Variants in UBE2D2 observed in about 807,000 individuals in gnomAD.
The protein encoded by UBE2D2 is ubiquitin-conjugating enzyme E2 D2.
A neutral mutation model predicts 24.2 loss-of-function variants in UBE2D2; 2 were observed. The observed-to-expected ratio is 0.08, with a 90% CI of 0.03 to 0.26. The LOEUF (loss-of-function observed/expected upper bound fraction) is 0.26, where lower values mean the gene tolerates loss of function less well. UBE2D2 is among the 10% of genes least tolerant of loss of function. The pLI, the probability that UBE2D2 is intolerant of heterozygous loss-of-function variation, is 1.00. For synonymous variants in UBE2D2, 58 were observed against 56.5 expected (o/e 1.03, Z -0.12); for missense variants, 44 against 177.6 (o/e 0.25, Z 4.28).
chr5:139,536,917 C>T (rs1752688270), intron 1 of UBE2D2, among the ~76,000 whole-genome samples: 3 of 152,128 alleles, frequency 2.0e-5, no homozygotes, highest in Admixed American at 6.5e-5. Context: ...AGGTGACTCA[C>T]GCCTGTAATC....
intron 1 of UBE2D2, among the ~76,000 whole-genome samples, chr5:139,540,468 C>T (rs1372403679): frequency 1.4e-5 from 2 of 147,678 alleles, no homozygotes; most frequent in Non-Finnish European, 3.0e-5. Context: ...ATGGCGTGAA[C>T]CCGGGAGGTG....
At chr5:139,555,721 G>A (rs991541464) in intron 1 of UBE2D2, among the ~76,000 whole-genome samples, 5 of 151,284 alleles carry the variant, frequency 3.3e-5, no homozygotes, top group South Asian at 4.2e-4. Context: ...GAGGTCAAGA[G>A]ATAGAGATCA....
chr5:139,530,779 C>T (rs1752589163), intron 1 of UBE2D2, among the ~76,000 whole-genome samples: 2 of 152,122 alleles, frequency 1.3e-5, no homozygotes, highest in African/African-American at 2.4e-5. Flanking sequence ...GCACATGTAC[C>T]TGTGCAAGTG....
chr5:139,560,799 C>G (rs929495771), upstream of UBE2D2, among the ~76,000 whole-genome samples: 1 of 152,200 alleles, frequency 6.6e-6, no homozygotes, highest in African/African-American at 2.4e-5. Flanking sequence ...TCCTCTCCAT[C>G]TGGGGCCTTG....
intron 2 of UBE2D2, among the ~76,000 whole-genome samples, chr5:139,607,399 C>T (rs1407868980): frequency 1.3e-5 from 2 of 152,082 alleles, no homozygotes; most frequent in East Asian, 1.9e-4. Flanking sequence ...TTTATGAGAG[C>T]CATAAAGATT....
intron 1 of UBE2D2, among the ~76,000 whole-genome samples, chr5:139,593,650 C>G (rs186690479): frequency 2.2e-4 from 33 of 152,106 alleles, no homozygotes; most frequent in African/African-American, 6.7e-4. Context: ...TGGGGTCTCA[C>G]TTTGTTACCT....
intron 1 of UBE2D2, among the ~76,000 whole-genome samples, chr5:139,550,764 G>A (rs1239077574): frequency 6.6e-6 from 1 of 151,412 alleles, no homozygotes; most frequent in Non-Finnish European, 1.5e-5. Context: ...TACTCACTGT[G>A]AAAGTCTGCA....
At chr5:139,546,350 A>G (rs1752826106) in intron 1 of UBE2D2, among the ~76,000 whole-genome samples, 1 of 150,274 alleles carries the variant, frequency 6.7e-6, no homozygotes, top group African/African-American at 2.5e-5. Context: ...CTGCCTGGCT[A>G]ATTTTTGCAT....
At chr5:139,555,362 T>C (rs935572800) in intron 1 of UBE2D2, among the ~76,000 whole-genome samples, 1 of 152,188 alleles carries the variant, frequency 6.6e-6, no homozygotes, top group African/African-American at 2.4e-5. Flanking sequence ...TCCTTGATGA[T>C]TAATGAATTC....
chr5:139,611,112 T>C (rs2126697879), intron 2 of UBE2D2, among the ~76,000 whole-genome samples: 1 of 151,810 alleles, frequency 6.6e-6, no homozygotes, highest in African/African-American at 2.4e-5. Flanking sequence ...AGCGAGAAGT[T>C]AGAGATACAG....
intron 1 of UBE2D2, among the ~76,000 whole-genome samples, chr5:139,544,955 A>G (rs1182967739): frequency 1.3e-5 from 2 of 150,902 alleles, no homozygotes. Flanking sequence ...TTTTTTTTGT[A>G]CTTTTAGTAG....
chr5:139,591,167 G>A (rs1753839283), intron 1 of UBE2D2, among the ~76,000 whole-genome samples: 1 of 149,378 alleles, frequency 6.7e-6, no homozygotes, highest in African/African-American at 2.5e-5. Context: ...TGTTGCCCAG[G>A]CTGGAGTGCA....
chr5:139,603,996 A>G (rs1185327624), intron 2 of UBE2D2, among the ~76,000 whole-genome samples: 1 of 152,166 alleles, frequency 6.6e-6, no homozygotes, highest in African/African-American at 2.4e-5. Flanking sequence ...AGAGAAAAAA[A>G]TAGATATTAT....
upstream of UBE2D2, among the ~76,000 whole-genome samples, chr5:139,560,874 C>G (rs1281516664): frequency 1.3e-5 from 2 of 152,152 alleles, no homozygotes; most frequent in Non-Finnish European, 2.9e-5. Flanking sequence ...GGCAGGTGCC[C>G]GAGCTGTAGC....
chr5:139,565,766 T>C (rs1753201704), intron 1 of UBE2D2, among the ~76,000 whole-genome samples: 2 of 152,164 alleles, frequency 1.3e-5, no homozygotes, highest in Admixed American at 6.5e-5. Flanking sequence ...TTTTTGGTGC[T>C]CTTAGAGTGC....
intron 1 of UBE2D2, among the ~76,000 whole-genome samples, chr5:139,598,264 A>G (rs1028073787): frequency 2.0e-5 from 3 of 152,174 alleles, no homozygotes; most frequent in Non-Finnish European, 4.4e-5. Flanking sequence ...ATGAAACGAC[A>G]TAAGAGTCTA....
chr5:139,551,142 C>T (rs558701511), intron 1 of UBE2D2, among the ~76,000 whole-genome samples: 19 of 152,128 alleles, frequency 1.2e-4, no homozygotes, highest in South Asian at 2.1e-4. Flanking sequence ...GTCAGGAGTT[C>T]GAGACCAGCC....
chr5:139,623,505 A>T, intron 6 of UBE2D2, 44 bp downstream of exon 6: 2 of 1,505,554 alleles, frequency 1.3e-6, no homozygotes, highest in Non-Finnish European at 9.2e-7. Context: ...GGTGGGATGG[A>T]GATGTTTGTC....
chr5:139,610,418 G>A (rs1305370273), intron 2 of UBE2D2, among the ~76,000 whole-genome samples: 1 of 152,054 alleles, frequency 6.6e-6, no homozygotes, highest in African/African-American at 2.4e-5. Flanking sequence ...GTGTGTGCCT[G>A]TAATCCCAGC....
Sources: gnomAD v4.1 joint callset for allele counts (sites outside exome capture counted in the v4.1 genomes callset) on GRCh38, gnomAD v4.1.1 for gene constraint, MANE v1.5 for transcripts, NCBI Gene and HGNC (gene_info 2026-07-23, HGNC 2026-07-21) for gene names.